Variants in TALDO1 observed in about 807,000 individuals in gnomAD.
The protein encoded by TALDO1 is transaldolase 1, also known as transaldolase.
In TALDO1, 29 loss-of-function variants were observed where a neutral mutation model predicts 38.1. The ratio of observed to expected loss-of-function variants is 0.76; its 90% confidence interval spans 0.57 to 1.04. The LOEUF is 1.04. Ranked by LOEUF, TALDO1 falls within the 50% of genes least tolerant of loss-of-function variation. The pLI is 0.00. For synonymous variants in TALDO1, 207 were observed against 176.8 expected, an observed-to-expected ratio of 1.17 and a Z score of -1.36; for missense variants, 499 against 438.1, an observed-to-expected ratio of 1.14 and a Z score of -1.24.
At position 747,520 on chromosome 11, in the gene TALDO1, C is replaced by T. The variant is rs1338743503; in HGVS notation, c.39C>T (p.Ser13=). Residue 13 remains serine (S), a synonymous_variant, in exon 1 of 8, where the codon TCC becomes TCT. Coordinates refer to ENST00000319006, the MANE Select transcript of TALDO1 (RefSeq NM_006755.2). ...CCGTGAAGCGTCAGAGGATGGAGTC[C>T]GCGCTGGACCAGCTCAAGCAGTTCA... ...SSPVKRQRME[S]ALDQLKQFTT... 1.3e-6 allele frequency: 2 copies of T among 1,599,954 alleles called. No individual in the cohort carries two copies. The highest frequency in any genetic ancestry group is 1.4e-5 in the African/African-American group (1 of 73,070).
chr11:755,315 T>C (rs1054589691), intron 1 of TALDO1, among the ~76,000 whole-genome samples: 1 of 152,018 alleles, frequency 6.6e-6, no homozygotes, highest in African/African-American at 2.4e-5. Context: ...CAGCTAGTTT[T>C]TTGTATTTTT....
At chr11:751,977 TCTC>T (rs1278026776) in intron 1 of TALDO1, among the ~76,000 whole-genome samples, 4 of 152,134 alleles carry the variant, frequency 2.6e-5, no homozygotes, top group African/African-American at 7.2e-5. Context: ...TCACTGACCT[TCTC>T]CTCTCCTTTC....
chr11:758,209 C>T (rs557749499), intron 2 of TALDO1, among the ~76,000 whole-genome samples: 80 of 152,136 alleles, frequency 5.3e-4, no homozygotes, highest in African/African-American at 1.8e-3. Context: ...GCGTGAACCG[C>T]GGGGGGCAGA....
At position 763,482 on chromosome 11, in the gene TALDO1, C is replaced by T. The variant is rs17850536; in HGVS notation, c.600C>T (p.Asn200=). ...VGRILDWHVA[N]TDKKSYEPLE... Reference sequence around the variant, plus strand: ...GCATCCTTGATTGGCATGTGGCAAACACCGACAAGAAATCCTATGAGCCCC... The same window carrying T: ...GCATCCTTGATTGGCATGTGGCAAATACCGACAAGAAATCCTATGAGCCCC... Residue 200 remains asparagine (N), a synonymous_variant, in exon 5 of 8, where the codon AAC becomes AAT. Transcript: ENST00000319006. 11 of 1,613,580 alleles carry T rather than the reference C, an allele frequency of 6.8e-6. No individual in the cohort carries two copies. Among genetic ancestry groups the T allele is most frequent in the African/African-American group, 2.7e-5 (2 of 74,808 alleles).
At chr11:760,317 A>G (rs1862907737) in intron 4 of TALDO1, 64 bp downstream of exon 4, 4 of 1,603,316 alleles carry the variant, frequency 2.5e-6, no homozygotes, top group Non-Finnish European at 3.4e-6. Context: ...CAGGGTCTAC[A>G]TGGCATCAGG....
rs773023043 is a variant in TALDO1, at chr11:763,825, G to A, written c.716G>A (p.Arg239His). The A allele has an allele frequency of 6.8e-6, 11 of 1,613,926 alleles. No individual in the cohort carries two copies. The highest frequency in any genetic ancestry group is 5.5e-5 in the South Asian group (5 of 91,092). Reference protein sequence around the residue: ...YKTIVMGASFRNTGEIKALAG... With the variant: ...YKTIVMGASFHNTGEIKALAG... ...ACCATTGTCATGGGCGCCTCCTTCC[G>A]CAACACGGGCGAGATCAAAGCACTG... Residue 239 changes from arginine (R) to histidine (H), a missense_variant, in exon 6 of 8, where the codon CGC becomes CAC. Physicochemically the swap from Arg to His is conservative, Grantham distance 29. Transcript: ENST00000319006.
chr11:749,452 T>A (rs3901233), intron 1 of TALDO1, among the ~76,000 whole-genome samples: 60,490 of 149,866 alleles, frequency 0.4, 13,420 homozygotes, highest in Admixed American at 0.52. Context: ...CATTTTTTTT[T>A]AATGAATATT....
chr11:762,127 G>A lies in TALDO1; in HGVS notation c.462-1217G>A, dbSNP rs139191537. On this transcript the variant is annotated intron_variant, in intron 4 of 7. Coordinates refer to ENST00000319006, the MANE Select transcript of TALDO1 (RefSeq NM_006755.2). The stretch of plus-strand genomic sequence containing the variant: ...ATTACAGGCAGGCGCCACCACTCCC[G>A]CCTAATTTTATATTTTTAGTAGAGA... Among the ~76,000 whole-genome samples, 1,047 of 151,974 alleles carry A rather than the reference G, an allele frequency of 6.9e-3. 15 individuals carry two copies. The highest frequency in any genetic ancestry group is 0.024 in the African/African-American group (1,003 of 41,468).
At chr11:748,417 A>G (rs1862694468) in intron 1 of TALDO1, among the ~76,000 whole-genome samples, 1 of 68,562 alleles carries the variant, frequency 1.5e-5, no homozygotes, top group African/African-American at 9.4e-5. Flanking sequence ...GGAAAATACA[A>G]AGAAGGATTA....
rs890403878 is a variant in TALDO1 at position 754,019 on chromosome 11, C to T, written c.98-1860C>T. On this transcript the variant is annotated intron_variant, in intron 1 of 7. Coordinates refer to ENST00000319006, the MANE Select transcript of TALDO1 (RefSeq NM_006755.2). ...TTTTTTTTTGCAACAGAGTCTTGCT[C>T]CATTGCCCAGGCTGTAGTGCAGTGG... Among the ~76,000 whole-genome samples, 11 of 151,848 alleles carry T rather than the reference C, an allele frequency of 7.2e-5. No individual in the cohort carries two copies. In the East Asian group the frequency reaches 2.1e-3, roughly 29 times the overall value.
intron 4 of TALDO1, among the ~76,000 whole-genome samples, chr11:763,015 T>C (rs1160521473): frequency 1.3e-5 from 2 of 152,196 alleles, no homozygotes; most frequent in African/African-American, 4.8e-5. Context: ...TATTGTGTCA[T>C]GTGGGTTGGA....
chr11:755,790 C>A, intron 1 of TALDO1, 89 bp from the exon 2 acceptor site: 1 of 1,596,414 alleles, frequency 6.3e-7, no homozygotes, highest in Non-Finnish European at 8.6e-7. Flanking sequence ...ACTCCCCTAA[C>A]GTCCTGGGGA....
Position 749,129 on chromosome 11 carries a change from G to C in TALDO1, c.97+1551G>C, listed in dbSNP as rs1238142558. 2.0e-5 allele frequency among the ~76,000 whole-genome samples: 3 copies of C among 152,306 alleles called. No homozygotes were observed. In the East Asian group the frequency reaches 5.8e-4, roughly 29 times the overall value. ...GTTTTTTAAGAAAACTTCTGGCCCA[G>C]CGAGGTGGCTCACGCCTGTAATCCC... On this transcript the variant is annotated intron_variant, in intron 1 of 7. Coordinates refer to ENST00000319006, the MANE Select transcript of TALDO1 (RefSeq NM_006755.2).
chr11:759,011 A>T lies in TALDO1; in HGVS notation c.283A>T (p.Ile95Leu). 5.0e-6 allele frequency: 8 copies of T among 1,613,350 alleles called. No individual in the cohort carries two copies. The highest frequency in any genetic ancestry group is 5.9e-6 in the Non-Finnish European group (7 of 1,179,492). ...ACTTTTTGTGTTGTTTGGAGCAGAA[A>T]TACTAAAGAAGATTCCGGGCCGAGT... The part of the protein sequence containing the change: ...DKLFVLFGAE[I>L]LKKIPGRVST... Residue 95 changes from isoleucine (I) to leucine (L), a missense_variant, in exon 3 of 8, where the codon ATA becomes TTA. Ile to Leu is a conservative substitution (Grantham distance 5). Coordinates refer to ENST00000319006, the MANE Select transcript of TALDO1 (RefSeq NM_006755.2).
intron 2 of TALDO1, 40 bp downstream of exon 2, chr11:756,042 G>C (rs749318792): frequency 6.3e-7 from 1 of 1,599,410 alleles, no homozygotes; most frequent in South Asian, 1.1e-5. Flanking sequence ...CTAGGCCCTC[G>C]TGCTAGTCTA....
chr11:760,357 G>T, intron 4 of TALDO1, 104 bp downstream of exon 4: 1 of 1,552,532 alleles, frequency 6.4e-7, no homozygotes. Context: ...CCTGGGGAAT[G>T]CCAGACTGGG....
chr11:754,166 G>T (rs1176785800), intron 1 of TALDO1, among the ~76,000 whole-genome samples: 1 of 151,768 alleles, frequency 6.6e-6, no homozygotes, highest in African/African-American at 2.4e-5. Context: ...TATATTTTTA[G>T]TAGGGACAGG....
At chr11:763,544 G>A (rs745944709) in intron 5 of TALDO1, 25 bp downstream of exon 5, 3 of 1,613,360 alleles carry the variant, frequency 1.9e-6, no homozygotes, top group Non-Finnish European at 1.7e-6. Flanking sequence ...GTGGTAATGG[G>A]GTAAGGGGAG....
At chr11:758,751 C>T (rs536513945) in intron 2 of TALDO1, among the ~76,000 whole-genome samples, 199 bp from the exon 3 acceptor site, 1 of 152,214 alleles carries the variant, frequency 6.6e-6, no homozygotes, top group Admixed American at 6.5e-5. Context: ...ACTACAGGCA[C>T]CCGCCACCAT....
Sources: allele counts gnomAD v4.1 joint callset (sites outside exome capture counted in the v4.1 genomes callset), GRCh38; gene constraint gnomAD v4.1.1; transcripts MANE v1.5; gene names NCBI Gene and HGNC (gene_info 2026-07-23, HGNC 2026-07-21).